The following SRPK2 variants were observed in gnomAD, a reference collection of about 807,000 sequenced individuals.
The protein encoded by SRPK2 is SRSF protein kinase 2, also known as SFRS protein kinase 2.
Under a neutral mutation model 90.8 loss-of-function variants are expected in SRPK2, and 21 were observed. That is an observed-to-expected ratio of 0.23 (90% CI 0.16 to 0.33). The LOEUF (loss-of-function observed/expected upper bound fraction) is 0.33, where lower values mean the gene tolerates loss of function less well. Ranked by LOEUF, SRPK2 falls within the 10% of genes least tolerant of loss-of-function variation. SRPK2 has a pLI of 1.00. For missense variants in SRPK2, 620 were observed against 869.0 expected, an observed-to-expected ratio of 0.71 and a Z score of 3.60; for synonymous variants, 288 against 311.1, an observed-to-expected ratio of 0.93 and a Z score of 0.78.
At chr7:105,222,883 TG>T (rs1388532694) in intron 2 of SRPK2, among the ~76,000 whole-genome samples, 2 of 152,052 alleles carry the variant, frequency 1.3e-5, no homozygotes, top group African/African-American at 2.4e-5. Context: ...ATTTTACTGA[TG>T]AAAAAAAAAC....
intron 2 of SRPK2, among the ~76,000 whole-genome samples, chr7:105,387,468 A>T (rs1326284089): frequency 6.6e-6 from 1 of 151,766 alleles, no homozygotes; most frequent in Non-Finnish European, 1.5e-5. Context: ...TTAGTTCTTC[A>T]ACTCTTTAGG....
intron 3 of SRPK2, among the ~76,000 whole-genome samples, chr7:105,180,189 C>T (rs1004912898): frequency 1.3e-5 from 2 of 152,104 alleles, no homozygotes; most frequent in African/African-American, 4.8e-5. Context: ...TAAAAGGTGA[C>T]AGTAACCAAA....
At chr7:105,293,258 G>GA (rs1444124758) in intron 2 of SRPK2, among the ~76,000 whole-genome samples, 1 of 151,232 alleles carries the variant, frequency 6.6e-6, no homozygotes, top group Non-Finnish European at 1.5e-5. Flanking sequence ...ACCACTGCAT[G>GA]AGTGAAACTC....
At chr7:105,270,846 T>C (rs149106103) in intron 2 of SRPK2, among the ~76,000 whole-genome samples, 7 of 152,316 alleles carry the variant, frequency 4.6e-5, no homozygotes, top group African/African-American at 1.7e-4. Context: ...AAATAACCCA[T>C]GAAAATAAAG....
At chr7:105,327,936 G>C (rs1813782538) in intron 2 of SRPK2, among the ~76,000 whole-genome samples, 1 of 152,154 alleles carries the variant, frequency 6.6e-6, no homozygotes, top group Admixed American at 6.5e-5. Flanking sequence ...GAGTAGCCGG[G>C]ACTACAAGAA....
chr7:105,394,369 C>G (rs1380231327), upstream of SRPK2, among the ~76,000 whole-genome samples: 1 of 152,066 alleles, frequency 6.6e-6, no homozygotes, highest in Non-Finnish European at 1.5e-5. Context: ...TCTCAAACTC[C>G]TGACCTCATG....
intron 2 of SRPK2, among the ~76,000 whole-genome samples, chr7:105,346,646 C>A (rs191199282): frequency 6.6e-6 from 1 of 151,856 alleles, no homozygotes; most frequent in Non-Finnish European, 1.5e-5. Flanking sequence ...CCCAGCTACT[C>A]GGAAGGCTGA....
At chr7:105,261,444 C>G (rs1318560277) in intron 2 of SRPK2, among the ~76,000 whole-genome samples, 1 of 151,886 alleles carries the variant, frequency 6.6e-6, no homozygotes, top group Admixed American at 6.6e-5. Context: ...TGGCGTGAAC[C>G]TGGGAGGCGG....
intron 2 of SRPK2, among the ~76,000 whole-genome samples, chr7:105,206,728 T>C (rs1036123796): frequency 7.9e-5 from 12 of 152,142 alleles, no homozygotes; most frequent in African/African-American, 2.7e-4. Context: ...ATAAAATACA[T>C]GTTAGATTGC....
intron 2 of SRPK2, among the ~76,000 whole-genome samples, chr7:105,269,845 A>G (rs747374028): frequency 2.0e-5 from 3 of 152,354 alleles, no homozygotes; most frequent in Non-Finnish European, 4.4e-5. Flanking sequence ...CCTATCCCTA[A>G]TAAGTATTTC....
intron 4 of SRPK2, among the ~76,000 whole-genome samples, chr7:105,168,808 T>C (rs553924725): frequency 2.2e-5 from 3 of 133,712 alleles, no homozygotes; most frequent in African/African-American, 7.8e-5. Context: ...AGTTTCTTAC[T>C]ATGGGTCATG....
intron 2 of SRPK2, among the ~76,000 whole-genome samples, chr7:105,358,559 G>A (rs991035110): frequency 6.6e-6 from 1 of 151,542 alleles, no homozygotes; most frequent in African/African-American, 2.4e-5. Context: ...GGTGGTTCTT[G>A]CCTGCCGTGT....
intron 13 of SRPK2, 84 bp from the exon 14 acceptor site, chr7:105,127,146 C>A: frequency 7.6e-7 from 1 of 1,314,162 alleles, no homozygotes; most frequent in Non-Finnish European, 1.1e-6. Context: ...AAGAGACCGC[C>A]ACTTTATGAA....
Position 105,388,897 on chromosome 7 carries a change from C to G in SRPK2, c.-91G>C, listed in dbSNP as rs909460900. ...CTGCAGCCTCCACTCGCTCCGCCGG[C>G]CGGGAGGAGACGAGAACCGCGCCTG... is the stretch of plus-strand genomic sequence containing the variant. On this transcript the variant is annotated 5_prime_UTR_variant, in exon 1 of 16. Coordinates refer to ENST00000393651, the MANE Select transcript of SRPK2 (RefSeq NM_182692.3). The G allele has an allele frequency of 2.4e-6, 3 of 1,237,676 alleles. No individual in the cohort carries two copies. Among genetic ancestry groups the G allele is most frequent in the African/African-American group, 3.2e-5 (2 of 63,428 alleles). The allele number at this position is 1,237,676 out of a possible 1,614,324, so 76.7% of individuals were successfully genotyped here.
intron 2 of SRPK2, among the ~76,000 whole-genome samples, chr7:105,303,969 C>T (rs1810874278): frequency 6.6e-6 from 1 of 152,154 alleles, no homozygotes; most frequent in South Asian, 2.1e-4. Context: ...TTGAGAAAAT[C>T]GGTAGAGTTG....
intron 4 of SRPK2, 77 bp from the exon 5 acceptor site, chr7:105,168,172 T>C: frequency 1.6e-6 from 2 of 1,223,434 alleles, no homozygotes; most frequent in South Asian, 1.4e-5. Flanking sequence ...AGGTTGAGCA[T>C]CCCTAATTGG....
intron 3 of SRPK2, among the ~76,000 whole-genome samples, chr7:105,171,347 T>A (rs1350949638): frequency 1.3e-5 from 2 of 152,234 alleles, no homozygotes; most frequent in East Asian, 1.9e-4. Flanking sequence ...CATTTTATTC[T>A]TTTTATCTAT....
intron 1 of SRPK2, among the ~76,000 whole-genome samples, chr7:105,397,968 GATAA>G (rs995769756): frequency 6.6e-6 from 1 of 152,096 alleles, no homozygotes; most frequent in African/African-American, 2.4e-5. Context: ...GAATTTTTAA[GATAA>G]ATAATGTAAT....
Position 105,183,004 on chromosome 7 carries a change from T to A in SRPK2, c.230-13739A>T, listed in dbSNP as rs1486219505. On this transcript the variant is annotated intron_variant, in intron 3 of 15. Transcript: ENST00000393651. ...GGCAAACTAGTAAGAAAGACTGAGC[T>A]GTGATAGTATTTACAAGATCCTGAG... 2.6e-5 allele frequency among the ~76,000 whole-genome samples: 4 copies of A among 152,206 alleles called. No individual in the cohort carries two copies. The East Asian group carries it at 7.7e-4, about 29-fold the overall frequency.
Sources: allele counts gnomAD v4.1 joint callset (sites outside exome capture counted in the v4.1 genomes callset), GRCh38; gene constraint gnomAD v4.1.1; transcripts MANE v1.5; gene names NCBI Gene and HGNC (gene_info 2026-07-23, HGNC 2026-07-21).